The following GPATCH2L variants were observed in gnomAD, a reference collection of about 807,000 sequenced individuals.
GPATCH2L encodes G-patch domain containing 2 like.
GPATCH2L carries 31 observed loss-of-function variants against 57.4 expected under a neutral mutation model. The ratio of observed to expected loss-of-function variants is 0.54; its 90% CI spans 0.41 to 0.73. GPATCH2L has a LOEUF of 0.73. Ranked by LOEUF, GPATCH2L falls within the 30% of genes least tolerant of loss-of-function variation. The pLI, the probability that GPATCH2L is intolerant of heterozygous loss-of-function variation, is 0.00. For missense variants in GPATCH2L, 481 were observed against 599.9 expected, an observed-to-expected ratio of 0.80 and a Z score of 2.07; for synonymous variants, 199 against 210.7, an observed-to-expected ratio of 0.94 and a Z score of 0.48.
intron 8 of GPATCH2L, among the ~76,000 whole-genome samples, chr14:76,187,269 C>G (rs939588868): frequency 6.6e-6 from 1 of 152,016 alleles, no homozygotes; most frequent in South Asian, 2.1e-4. Flanking sequence ...AACTCAGTGT[C>G]TCGGAGTATT....
rs35631432 is a variant in GPATCH2L, at chr14:76,173,622, G to T, written c.981G>T (p.Gly327=). 1 of 1,592,832 alleles carries T rather than the reference G, an allele frequency of 6.3e-7. No individual in the cohort carries two copies. Among genetic ancestry groups the T allele is most frequent in the Non-Finnish European group, 8.6e-7 (1 of 1,160,462 alleles). ...GAAAGGGGCGAAGAAGGCTGGTTGG[G>T]AAGGTGATACCTCTCACAGTTAGCT... ...CLRKGRRRLV[G]KETSINTLGT... Residue 327 remains glycine (G), a synonymous_variant, in exon 5 of 10, where the codon GGG becomes GGT. Coordinates refer to ENST00000261530, the MANE Select transcript of GPATCH2L (RefSeq NM_017926.4).
At chr14:76,232,493 G>C (rs570217410) in intron 2 of GPATCH2L, among the ~76,000 whole-genome samples, 1 of 152,152 alleles carries the variant, frequency 6.6e-6, no homozygotes, top group Non-Finnish European at 1.5e-5. Context: ...AACTCTGTTC[G>C]AGGTTAGCGG....
At chr14:76,228,335 A>ATG (rs768232371) in intron 1 of GPATCH2L, among the ~76,000 whole-genome samples, 3 of 151,716 alleles carry the variant, frequency 2.0e-5, no homozygotes, top group South Asian at 2.1e-4. Context: ...TTGGTGTTTG[A>ATG]TGTGTGTGTG....
Position 76,171,923 on chromosome 14 carries a change from G to C in GPATCH2L, c.808G>C (p.Ala270Pro). The C allele has an allele frequency of 6.2e-7, 1 of 1,607,826 alleles. No homozygotes were observed. The highest frequency in any genetic ancestry group is 1.1e-5 in the South Asian group (1 of 90,830). The change falls in exon 4 of 10, where the codon GCT becomes CCT. Residue 270 changes from alanine to proline, a missense_variant. By Grantham distance (27) the Ala-to-Pro change is conservative. Transcript: ENST00000261530. ...FTVPNLLPKW[A>P]PDHCSEVERM... The stretch of plus-strand genomic sequence containing the variant: ...TGTCCCTAATCTTCTGCCCAAGTGG[G>C]CTCCTGATCATTGTTCTGAAGTAGA...
intron 2 of GPATCH2L, among the ~76,000 whole-genome samples, chr14:76,158,674 G>C (rs924234145): frequency 6.6e-6 from 1 of 152,190 alleles, no homozygotes; most frequent in Non-Finnish European, 1.5e-5. Flanking sequence ...TGTATGGTAG[G>C]TGGGGGTGTT....
chr14:76,171,744 G>T, intron 3 of GPATCH2L, 99 bp from the exon 4 acceptor site: 1 of 694,386 alleles, frequency 1.4e-6, no homozygotes, highest in Non-Finnish European at 2.3e-6. Flanking sequence ...AAAAAAAAAA[G>T]GATGATCAAA....
In GPATCH2L at chr14:76,179,483, G is replaced by C. The variant is rs181209882; in HGVS notation, c.1108-1281G>C. ...GCATCAGAGGATCCAAAGGCAGAAG[G>C]GGACCTGTGGCAGTCACCTGATCCA... is the stretch of plus-strand genomic sequence containing the variant. On this transcript the variant is annotated intron_variant, in intron 7 of 9. Transcript: ENST00000261530. The C allele has an allele frequency of 2.2e-4, 34 of 152,294 alleles. 1 individual carries two copies. The highest frequency in any genetic ancestry group is 7.5e-4 in the African/African-American group (31 of 41,558). The allele number at this position is 152,294 out of a possible 1,614,324, so 9.4% of individuals were successfully genotyped here.
chr14:76,220,805 T>C (rs1405676019), intron 1 of GPATCH2L, among the ~76,000 whole-genome samples: 2 of 152,094 alleles, frequency 1.3e-5, no homozygotes, highest in Non-Finnish European at 2.9e-5. Flanking sequence ...GCCTGAAATA[T>C]TTAGAAATTA....
At chr14:76,180,937 A>G in intron 8 of GPATCH2L, 88 bp downstream of exon 8, 1 of 798,092 alleles carries the variant, frequency 1.3e-6, no homozygotes, top group Non-Finnish European at 2.2e-6. Context: ...ATGCTTGTGT[A>G]CAGTATCCAA....
chr14:76,218,938 T>TA (rs1256867416), downstream of GPATCH2L, among the ~76,000 whole-genome samples: 2 of 148,410 alleles, frequency 1.3e-5, no homozygotes, highest in Non-Finnish European at 3.0e-5. Flanking sequence ...CTTCACCTCT[T>TA]ATACCAGGAC....
intron 2 of GPATCH2L, among the ~76,000 whole-genome samples, chr14:76,159,134 A>C (rs1363816278): frequency 6.6e-6 from 1 of 152,208 alleles, no homozygotes; most frequent in Non-Finnish European, 1.5e-5. Context: ...ATGACCGCTT[A>C]CTTAGTTGCT....
chr14:76,177,384 C>T (rs980456176), intron 6 of GPATCH2L, among the ~76,000 whole-genome samples: 4 of 151,996 alleles, frequency 2.6e-5, no homozygotes, highest in African/African-American at 9.7e-5. Context: ...GTGGTGAGTG[C>T]TGTAGGAAGC....
chr14:76,154,635 C>A lies in GPATCH2L; in HGVS notation c.272C>A (p.Thr91Lys), dbSNP rs1185327724. The A allele has an allele frequency of 1.9e-5, 31 of 1,614,240 alleles. No individual in the cohort carries two copies. The highest frequency in any genetic ancestry group is 2.6e-5 in the Non-Finnish European group (31 of 1,180,042). The change falls in exon 2 of 10, where the codon ACA becomes AAA. Residue 91 changes from threonine to lysine, a missense_variant. Thr to Lys is a moderately conservative substitution (Grantham distance 78). Transcript: ENST00000261530. This position sits in a 1 kb window ranked among gnomAD's most constrained non-coding sequence, Gnocchi z 4.4. ...ACCAATTTTAGTGACTCTGATGACA[C>A]AATGGTAGCCAAACGACACCCAGCT... ...PVTNFSDSDD[T>K]MVAKRHPALN...
intron 3 of GPATCH2L, among the ~76,000 whole-genome samples, chr14:76,171,294 A>G (rs8003207): frequency 0.79 from 118,293 of 150,094 alleles, 47,191 homozygotes; most frequent in South Asian, 0.88. Context: ...AAAAAAAAAG[A>G]CTGGGCGCGG....
chr14:76,218,100 A>G (rs560299482), downstream of GPATCH2L, among the ~76,000 whole-genome samples: 13 of 152,278 alleles, frequency 8.5e-5, no homozygotes, highest in African/African-American at 3.1e-4. Context: ...TCTCATCCAA[A>G]GCCTGCGTCA....
rs1408576215 is a variant in GPATCH2L at position 76,203,824 on chromosome 14, T to C, written c.*1973T>C. 1 of 152,214 alleles carries C rather than the reference T, an allele frequency of 6.6e-6. No individual in the cohort carries two copies. The highest frequency in any genetic ancestry group is 1.5e-5 in the Non-Finnish European group (1 of 68,040). 9.4% of individuals were successfully genotyped at this position (152,214 alleles called of 1,614,324 possible). On this transcript the variant is annotated 3_prime_UTR_variant, in exon 10 of 10. Coordinates refer to ENST00000261530, the MANE Select transcript of GPATCH2L (RefSeq NM_017926.4). Reference sequence around the variant, plus strand: ...CCCGTGGCATATATTTTTAACATACTTGGTTGGGTTTGAGAGAAATCTGTG... The same window carrying C: ...CCCGTGGCATATATTTTTAACATACCTGGTTGGGTTTGAGAGAAATCTGTG...
downstream of GPATCH2L, among the ~76,000 whole-genome samples, chr14:76,218,081 A>G (rs2040497267): frequency 6.6e-6 from 1 of 152,154 alleles, no homozygotes; most frequent in Non-Finnish European, 1.5e-5. Context: ...ATGTGATAAA[A>G]TATATTTATC....
intron 3 of GPATCH2L, among the ~76,000 whole-genome samples, chr14:76,168,855 A>G (rs2038962505): frequency 6.6e-6 from 1 of 152,210 alleles, no homozygotes; most frequent in Admixed American, 6.5e-5. Context: ...CTACCACATT[A>G]GATTATTGCT....
chr14:76,230,302 C>G (rs552281447), intron 2 of GPATCH2L: 1 of 152,112 alleles, frequency 6.6e-6, no homozygotes, highest in Non-Finnish European at 1.5e-5. Context: ...CATGCAGCAT[C>G]ACCGTGATCA....
Sources: allele counts gnomAD v4.1 joint callset (sites outside exome capture counted in the v4.1 genomes callset), GRCh38; gene constraint gnomAD v4.1.1; non-coding constraint Gnocchi (gnomAD v3.1); transcripts MANE v1.5; gene names NCBI Gene and HGNC (gene_info 2026-07-23, HGNC 2026-07-21).